DPH6: variants seen among roughly 807,000 people sequenced by gnomAD.
The protein encoded by DPH6 is diphthamine biosynthesis 6.
In DPH6, 33 loss-of-function variants were observed where a neutral mutation model predicts 38.2. The observed-to-expected ratio is 0.86, with a 90% CI of 0.65 to 1.15. The LOEUF (loss-of-function observed/expected upper bound fraction) is 1.15, where lower values mean the gene tolerates loss of function less well. Ranked by LOEUF, DPH6 falls within the 50% of genes most tolerant of loss-of-function variation. DPH6 has a pLI of 0.00. For synonymous variants in DPH6, 108 were observed against 103.0 expected, an observed-to-expected ratio of 1.05 and a Z score of -0.30; for missense variants, 325 against 320.0, an observed-to-expected ratio of 1.02 and a Z score of -0.12.
chr15:35,304,138 C>A (rs2052072341), intron 3 of DPH6, among the ~76,000 whole-genome samples: 1 of 152,064 alleles, frequency 6.6e-6, no homozygotes, highest in Non-Finnish European at 1.5e-5. Context: ...ATCTGATTAT[C>A]TAACAAACTG....
chr15:35,359,560 C>T (rs1001367527), intron 3 of DPH6, among the ~76,000 whole-genome samples: 1 of 152,204 alleles, frequency 6.6e-6, no homozygotes, highest in Admixed American at 6.5e-5. Flanking sequence ...GCTGCTTCCT[C>T]CACCCCTGTA....
chr15:35,371,537 T>A lies in DPH6; in HGVS notation c.*613A>T, dbSNP rs2052713489. 1 of 961,972 alleles carries A rather than the reference T, an allele frequency of 1.0e-6. No individual in the cohort carries two copies. The highest frequency in any genetic ancestry group is 1.8e-5 in the African/African-American group (1 of 56,688). The allele number at this position is 961,972 out of a possible 1,614,324, so 59.6% of individuals were successfully genotyped here. A position where few individuals can be genotyped will look rare whatever the true frequency, so the allele number is the denominator to read the frequency against. On this transcript the variant is annotated 3_prime_UTR_variant, in exon 9 of 9. Coordinates refer to ENST00000256538, the MANE Select transcript of DPH6 (RefSeq NM_080650.4). ...ACTGTTCTAAAACATAAAGTCTATTTTTTGTAAAAGTTTTCTAAGGTCAAC... is the reference window on the plus strand; with the variant it reads ...ACTGTTCTAAAACATAAAGTCTATTATTTGTAAAAGTTTTCTAAGGTCAAC...
chr15:35,412,875 G>A (rs1281379056), intron 5 of DPH6, among the ~76,000 whole-genome samples: 1 of 151,528 alleles, frequency 6.6e-6, no homozygotes, highest in Admixed American at 6.6e-5. Context: ...TTGTAGGGTA[G>A]AAAAATACTC....
At chr15:35,463,075 C>A (rs1186716483) in intron 3 of DPH6, among the ~76,000 whole-genome samples, 3 of 152,042 alleles carry the variant, frequency 2.0e-5, no homozygotes, top group Non-Finnish European at 2.9e-5. Flanking sequence ...CTAATTTCAA[C>A]CTCTTAAAAA....
the DPH6 span, among the ~76,000 whole-genome samples, chr15:35,158,332 T>C: frequency 2.0e-5 from 3 of 152,124 alleles, no homozygotes; most frequent in Non-Finnish European, 4.4e-5. Flanking sequence ...AGTATTTGCA[T>C]TGCTGTCTTC....
intron 3 of DPH6, among the ~76,000 whole-genome samples, chr15:35,340,328 T>C (rs2052410963): frequency 6.6e-6 from 1 of 152,212 alleles, no homozygotes; most frequent in Non-Finnish European, 1.5e-5. Context: ...TGGCTGTTTG[T>C]CCAACTTGCC....
Position 35,541,965 on chromosome 15 carries a change from T to A in DPH6, c.118+448A>T, listed in dbSNP as rs181173727. 5.8e-3 allele frequency among the ~76,000 whole-genome samples: 889 copies of A among 152,258 alleles called. 11 individuals carry two copies. The highest frequency in any genetic ancestry group is 0.02 in the African/African-American group (844 of 41,560). On this transcript the variant is annotated intron_variant, in intron 2 of 8. Transcript: ENST00000256538. ...GCTTACATCTAAAATAGGTAAACTG[T>A]ATCCTTTTAATAATAAAATTAATAT...
Position 35,312,068 on chromosome 15 carries a change from C to T in DPH6, n.200+61453G>A, listed in dbSNP as rs1274564117. 2.1e-5 allele frequency among the ~76,000 whole-genome samples: 3 copies of T among 146,248 alleles called. No homozygotes were observed. The East Asian group carries it at 6.0e-4, about 29-fold the overall frequency. Reference sequence around the variant, plus strand: ...AAAACAAACAAACTTTACTTGGGTACCAGGGAAAACAGACTATATGAAGAA... The same window carrying T: ...AAAACAAACAAACTTTACTTGGGTATCAGGGAAAACAGACTATATGAAGAA... On this transcript the variant is annotated intron_variant and non_coding_transcript_variant, in intron 3 of 3. Coordinates refer to the DPH6 transcript ENST00000560386.
chr15:35,454,317 C>T (rs564990549), intron 4 of DPH6, among the ~76,000 whole-genome samples: 14 of 152,152 alleles, frequency 9.2e-5, no homozygotes, highest in East Asian at 5.8e-4. Flanking sequence ...TATTTTTAGA[C>T]AAGAACTGAA....
At chr15:35,359,382 C>T (rs549404398) in intron 3 of DPH6, among the ~76,000 whole-genome samples, 11 of 152,330 alleles carry the variant, frequency 7.2e-5, no homozygotes, top group Admixed American at 5.2e-4. Flanking sequence ...CGCCCTTCCC[C>T]AAGTTCTGGA....
intron 3 of DPH6, chr15:35,238,124 T>TC (rs2051568960): frequency 8.9e-7 from 1 of 1,118,154 alleles, no homozygotes; most frequent in African/African-American, 1.6e-5. Flanking sequence ...CCATATCCCC[T>TC]CCCCCGCTCC....
At chr15:35,302,436 A>G (rs2052060588) in intron 3 of DPH6, among the ~76,000 whole-genome samples, 2 of 152,208 alleles carry the variant, frequency 1.3e-5, no homozygotes, top group African/African-American at 4.8e-5. Context: ...TATTTCATGC[A>G]TGCCCTACTC....
At chr15:35,426,020 C>T (rs1333335556) in intron 5 of DPH6, among the ~76,000 whole-genome samples, 3 of 151,284 alleles carry the variant, frequency 2.0e-5, no homozygotes, top group Non-Finnish European at 3.0e-5. Flanking sequence ...CAAATAGAGA[C>T]TCTCTTCAGG....
chr15:35,316,820 T>A (rs2052192932), intron 3 of DPH6, among the ~76,000 whole-genome samples: 1 of 152,006 alleles, frequency 6.6e-6, no homozygotes. Flanking sequence ...AACAGATAAA[T>A]GGCAAAACTA....
At chr15:35,345,276 G>C (rs141345375) in intron 3 of DPH6, among the ~76,000 whole-genome samples, 2 of 151,806 alleles carry the variant, frequency 1.3e-5, no homozygotes, top group African/African-American at 4.8e-5. Context: ...CATCTCTGTA[G>C]ATTTGTTTTG....
chr15:35,310,493 T>C (rs963253957), intron 3 of DPH6, among the ~76,000 whole-genome samples: 1 of 152,114 alleles, frequency 6.6e-6, no homozygotes, highest in Non-Finnish European at 1.5e-5. Context: ...AATTTTTGCC[T>C]ACAAAACTAC....
chr15:35,471,500 C>T (rs1031767965), intron 3 of DPH6, among the ~76,000 whole-genome samples: 1 of 152,202 alleles, frequency 6.6e-6, no homozygotes, highest in Non-Finnish European at 1.5e-5. Flanking sequence ...ATCAATCCCT[C>T]CACACCTCCC....
At chr15:35,245,018 C>T (rs1018484274) in intron 3 of DPH6, among the ~76,000 whole-genome samples, 7 of 151,878 alleles carry the variant, frequency 4.6e-5, no homozygotes, top group African/African-American at 1.5e-4. Flanking sequence ...AAAATGTAGA[C>T]GAAAGTCATT....
At chr15:35,542,294 G>A (rs924434340) in intron 2 of DPH6, 119 bp downstream of exon 2, 4 of 767,764 alleles carry the variant, frequency 5.2e-6, no homozygotes, top group African/African-American at 5.1e-5. Flanking sequence ...GCATCTAATG[G>A]GTGCTTAATA....
Sources: allele counts gnomAD v4.1 joint callset (sites outside exome capture counted in the v4.1 genomes callset), GRCh38; gene constraint gnomAD v4.1.1; transcripts MANE v1.5; gene names NCBI Gene and HGNC (gene_info 2026-07-23, HGNC 2026-07-21).